Variants in LSAMP observed in about 807,000 individuals in gnomAD.
The protein encoded by LSAMP is limbic system associated membrane protein, also known as limbic system-associated membrane protein.
Under a neutral mutation model 38.6 loss-of-function variants are expected in LSAMP, and 7 were observed. The ratio of observed to expected loss-of-function variants is 0.18; its 90% CI spans 0.10 to 0.34. LSAMP has a LOEUF of 0.34. Ranked by LOEUF, LSAMP falls within the 10% of genes least tolerant of loss-of-function variation. The pLI, the probability that LSAMP is intolerant of heterozygous loss-of-function variation, is 1.00. For missense variants in LSAMP, 313 were observed against 420.0 expected, an observed-to-expected ratio of 0.75 and a Z score of 2.23; for synonymous variants, 154 against 166.8, an observed-to-expected ratio of 0.92 and a Z score of 0.59.
chr3:115,836,427 G>C (rs1047236172), intron 6 of LSAMP, among the ~76,000 whole-genome samples: 2 of 152,178 alleles, frequency 1.3e-5, no homozygotes, highest in Non-Finnish European at 2.9e-5. Context: ...TAAGGAAAAC[G>C]AAACTTTCCA....
chr3:115,855,120 G>A (rs1283835492), intron 3 of LSAMP, among the ~76,000 whole-genome samples: 1 of 152,152 alleles, frequency 6.6e-6, no homozygotes, highest in Non-Finnish European at 1.5e-5. Context: ...GAAATACCTA[G>A]AAATGGTGGA....
chr3:116,089,794 AAAAT>A (rs1408832887), intron 1 of LSAMP, among the ~76,000 whole-genome samples: 1 of 152,112 alleles, frequency 6.6e-6, no homozygotes, highest in Non-Finnish European at 1.5e-5. Context: ...CAATGGAAAA[AAAAT>A]AAATAAATAA....
At chr3:115,832,380 A>G (rs1209332050) in intron 6 of LSAMP, among the ~76,000 whole-genome samples, 1 of 152,174 alleles carries the variant, frequency 6.6e-6, no homozygotes, top group Non-Finnish European at 1.5e-5. Context: ...TAGGAATGAA[A>G]TTTAAGAGTT....
intron 2 of LSAMP, among the ~76,000 whole-genome samples, chr3:116,024,203 T>C (rs1940723446): frequency 6.6e-6 from 1 of 152,196 alleles, no homozygotes; most frequent in Non-Finnish European, 1.5e-5. Context: ...TGCCTTTCAC[T>C]AAACTGTAAG....
At chr3:116,222,020 A>G (rs552977614) in intron 1 of LSAMP, among the ~76,000 whole-genome samples, 50 of 152,232 alleles carry the variant, frequency 3.3e-4, no homozygotes, top group African/African-American at 1.1e-3. Context: ...TTCCCACTCC[A>G]TTGGACTCAC....
intron 1 of LSAMP, among the ~76,000 whole-genome samples, chr3:116,443,491 G>A (rs993427124): frequency 1.3e-5 from 2 of 151,984 alleles, no homozygotes; most frequent in Admixed American, 1.3e-4. Flanking sequence ...GCAATGCACG[G>A]CACACAACAC....
chr3:116,009,237 T>C (rs1404248549), intron 3 of LSAMP, among the ~76,000 whole-genome samples: 1 of 152,202 alleles, frequency 6.6e-6, no homozygotes, highest in Non-Finnish European at 1.5e-5. Flanking sequence ...CTGAAGATCC[T>C]GGATGATGCT....
chr3:116,400,598 C>A (rs1012674655), intron 1 of LSAMP, among the ~76,000 whole-genome samples: 1 of 152,026 alleles, frequency 6.6e-6, no homozygotes, highest in South Asian at 2.1e-4. Context: ...CTTGTCTCAG[C>A]CCCCAAGTAG....
At chr3:115,955,517 C>G (rs985254391) in intron 3 of LSAMP, among the ~76,000 whole-genome samples, 11 of 152,146 alleles carry the variant, frequency 7.2e-5, no homozygotes, top group Admixed American at 7.2e-4. Context: ...AGGGATATAA[C>G]CATACACAAA....
intron 2 of LSAMP, among the ~76,000 whole-genome samples, chr3:116,038,441 C>T (rs1023112153): frequency 6.6e-6 from 1 of 152,132 alleles, no homozygotes; most frequent in African/African-American, 2.4e-5. Flanking sequence ...TCTGGACATA[C>T]ACTTTTGGGA....
chr3:116,029,197 C>A (rs891539447), intron 2 of LSAMP, among the ~76,000 whole-genome samples: 7 of 152,132 alleles, frequency 4.6e-5, no homozygotes, highest in African/African-American at 1.7e-4. Context: ...AAGCCTTAGA[C>A]CTTGTAGTAG....
chr3:116,164,730 A>T (rs1709999850), intron 1 of LSAMP, among the ~76,000 whole-genome samples: 1 of 103,150 alleles, frequency 9.7e-6, no homozygotes, highest in Non-Finnish European at 1.8e-5. Flanking sequence ...TATAATCCAA[A>T]TATATATATA....
At chr3:116,366,666 A>T (rs1368142916) in intron 1 of LSAMP, among the ~76,000 whole-genome samples, 1 of 152,180 alleles carries the variant, frequency 6.6e-6, no homozygotes, top group Non-Finnish European at 1.5e-5. Flanking sequence ...ATTTTTATTC[A>T]TTTATTTAGT....
chr3:116,145,520 G>A (rs1005599527), intron 1 of LSAMP, among the ~76,000 whole-genome samples: 1 of 151,786 alleles, frequency 6.6e-6, no homozygotes, highest in African/African-American at 2.4e-5. Flanking sequence ...TTCTGTTAAG[G>A]CCTCAACTGA....
intron 3 of LSAMP, among the ~76,000 whole-genome samples, chr3:115,860,236 G>A (rs1935635638): frequency 6.6e-6 from 1 of 152,214 alleles, no homozygotes; most frequent in Non-Finnish European, 1.5e-5. Context: ...ATTGCTTACA[G>A]ATGTGTAACA....
intron 1 of LSAMP, among the ~76,000 whole-genome samples, chr3:116,374,712 C>G (rs1378177318): frequency 6.6e-6 from 1 of 151,886 alleles, no homozygotes; most frequent in Non-Finnish European, 1.5e-5. Context: ...GCCACTATAA[C>G]TGTCACTATT....
intron 1 of LSAMP, among the ~76,000 whole-genome samples, chr3:116,373,347 T>C (rs1368573171): frequency 6.6e-6 from 1 of 151,732 alleles, no homozygotes. Flanking sequence ...TAAGCCATTA[T>C]TCCACTTATA....
At chr3:116,131,796 C>G (rs1709140408) in intron 1 of LSAMP, among the ~76,000 whole-genome samples, 1 of 151,768 alleles carries the variant, frequency 6.6e-6, no homozygotes, top group South Asian at 2.1e-4. Context: ...GAGACTGAGT[C>G]CTATAACAGT....
intron 1 of LSAMP, among the ~76,000 whole-genome samples, chr3:116,373,122 G>A (rs1033011746): frequency 6.6e-6 from 1 of 151,248 alleles, no homozygotes; most frequent in African/African-American, 2.4e-5. Flanking sequence ...GTATACCCAC[G>A]TTAATAGCAT....
Sources: gnomAD v4.1 joint callset for allele counts (sites outside exome capture counted in the v4.1 genomes callset) on GRCh38, gnomAD v4.1.1 for gene constraint, MANE v1.5 for transcripts, NCBI Gene and HGNC (gene_info 2026-07-23, HGNC 2026-07-21) for gene names.